KLHL8: variants seen among roughly 807,000 people sequenced by gnomAD.
KLHL8 encodes the protein kelch like family member 8.
Under a neutral mutation model 63.5 loss-of-function variants are expected in KLHL8, and 38 were observed. The ratio of observed to expected loss-of-function variants is 0.60; its 90% CI spans 0.46 to 0.78. The LOEUF (loss-of-function observed/expected upper bound fraction) is 0.78. Among genes scored for constraint, KLHL8 ranks in the 30% least tolerant of loss-of-function variants. KLHL8 has a pLI of 0.00. For missense variants in KLHL8, 566 were observed against 752.4 expected (o/e 0.75, Z 2.90); for synonymous variants, 224 against 254.3 (o/e 0.88, Z 1.13).
chr4:87,177,532 A>T (rs1367985438), intron 5 of KLHL8, among the ~76,000 whole-genome samples: 1 of 135,892 alleles, frequency 7.4e-6, no homozygotes, highest in African/African-American at 2.6e-5. Context: ...ACAAACAAAC[A>T]AAAACTATAT....
At chr4:87,180,185 T>C (rs1730997195) in intron 4 of KLHL8, among the ~76,000 whole-genome samples, 1 of 152,242 alleles carries the variant, frequency 6.6e-6, no homozygotes, top group South Asian at 2.1e-4. Flanking sequence ...GCACTTTTGG[T>C]AATTAGCATT....
chr4:87,222,067 C>T (rs1447027180), upstream of KLHL8, among the ~76,000 whole-genome samples: 1 of 152,138 alleles, frequency 6.6e-6, no homozygotes, highest in Admixed American at 6.5e-5. Flanking sequence ...CTTTGTCTCT[C>T]CCAAAGCACC....
At chr4:87,212,625 T>C (rs1732446064) in intron 1 of KLHL8, among the ~76,000 whole-genome samples, 1 of 152,172 alleles carries the variant, frequency 6.6e-6, no homozygotes, top group South Asian at 2.1e-4. Context: ...TTTACAGTCT[T>C]TACAGTCATG....
chr4:87,225,756 TC>T (rs1732961681), intron 1 of KLHL8, among the ~76,000 whole-genome samples: 1 of 152,248 alleles, frequency 6.6e-6, no homozygotes, highest in Admixed American at 6.5e-5. Flanking sequence ...GAAAGCATCA[TC>T]CTTGCTATGA....
In KLHL8 at chr4:87,185,267, T is replaced by C. The variant is rs774203779; in HGVS notation, c.749A>G (p.Asp250Gly). ...ANPQHHSKWLDETLAQVRLPL... is the reference protein window; with the variant it reads ...ANPQHHSKWLGETLAQVRLPL... ...AGCTCCTACCTGTGCAAGTGTTTCA[T>C]CCAACCATTTGGAATGATGCTGAGG... is the stretch of plus-strand genomic sequence containing the variant. Residue 250 changes from aspartate (D) to glycine (G), a missense_variant, in exon 3 of 10, where the codon GAT (aspartate) becomes GGT (glycine). Asp to Gly is a moderately conservative substitution (Grantham distance 94). Transcript: ENST00000273963. 1 of 1,611,870 alleles carries C rather than the reference T, an allele frequency of 6.2e-7. No homozygotes were observed. The highest frequency in any genetic ancestry group is 1.3e-5 in the African/African-American group (1 of 74,866).
upstream of KLHL8, among the ~76,000 whole-genome samples, chr4:87,221,595 C>T: frequency 6.6e-6 from 1 of 151,736 alleles, no homozygotes; most frequent in East Asian, 1.9e-4. Flanking sequence ...TCCTAGGAGT[C>T]TATTTCAGAA....
rs1357119531 is a variant in KLHL8, at chr4:87,183,374, A to C, written c.781T>G (p.Leu261Val). Residue 261 changes from leucine (L) to valine (V), a missense_variant, in exon 4 of 10, where the codon TTG becomes GTG. Transcript: ENST00000273963. ...ACACCCATAAGAAAATCAACCGGCA[A>C]CAATGGCAGGCGAACCTAAGATCAT... ...ETLAQVRLPL[L>V]PVDFLMGVVA... 1 of 1,607,068 alleles carries C rather than the reference A, an allele frequency of 6.2e-7. No homozygotes were observed. Among genetic ancestry groups the C allele is most frequent in the Non-Finnish European group, 8.5e-7 (1 of 1,174,914 alleles).
intron 1 of KLHL8, among the ~76,000 whole-genome samples, chr4:87,204,177 G>A (rs576232809): frequency 3.3e-5 from 5 of 152,232 alleles, no homozygotes; most frequent in Non-Finnish European, 5.9e-5. Context: ...GATCATGCCT[G>A]TGAATAGCCA....
Position 87,165,073 on chromosome 4 carries a change from T to C in KLHL8, c.1538-994A>G, listed in dbSNP as rs540122421. On this transcript the variant is annotated intron_variant, in intron 8 of 9. Coordinates refer to ENST00000273963, the MANE Select transcript of KLHL8 (RefSeq NM_020803.5). ...CTGAGGCAGGACAATGGCGTGAACC[T>C]GGGAGGCGGACGCTTGCAGTGAGCC... 3.1e-3 allele frequency among the ~76,000 whole-genome samples: 422 copies of C among 136,340 alleles called. 2 individuals carry two copies. The highest frequency in any genetic ancestry group is 4.7e-3 in the Non-Finnish European group (312 of 65,892). 89.4% of individuals were successfully genotyped at this position (136,340 alleles called of 152,430 possible). A position where few individuals can be genotyped will look rare whatever the true frequency, so the allele number is the denominator to read the frequency against.
Position 87,213,199 on chromosome 4 carries a change from T to C in KLHL8, c.-152+7219A>G, listed in dbSNP as rs570110440. ...ATCATAGTGGTCTAAAAGTCTAGTATAAAGTATTAAAAGAAAGATCTTGAA... is the reference window on the plus strand; with the variant it reads ...ATCATAGTGGTCTAAAAGTCTAGTACAAAGTATTAAAAGAAAGATCTTGAA... On this transcript the variant is annotated intron_variant, in intron 1 of 9. Transcript: ENST00000273963. Among the ~76,000 whole-genome samples the C allele has an allele frequency of 5.9e-5, 9 of 152,332 alleles. No homozygotes were observed. In the South Asian group the frequency reaches 1.9e-3, roughly 32 times the overall value.
intron 1 of KLHL8, among the ~76,000 whole-genome samples, chr4:87,232,414 T>C (rs1733151496): frequency 6.6e-6 from 1 of 152,330 alleles, no homozygotes; most frequent in Non-Finnish European, 1.5e-5. Flanking sequence ...GAATATACCA[T>C]AATTTACTCA....
intron 1 of KLHL8, among the ~76,000 whole-genome samples, chr4:87,198,025 A>C (rs1175894581): frequency 6.6e-6 from 1 of 151,606 alleles, no homozygotes; most frequent in Non-Finnish European, 1.5e-5. Context: ...AAAAAAAAAA[A>C]AACCACTTAG....
chr4:87,203,954 C>G (rs1732020656), intron 1 of KLHL8, among the ~76,000 whole-genome samples: 1 of 152,058 alleles, frequency 6.6e-6, no homozygotes, highest in African/African-American at 2.4e-5. Context: ...CGAAAAACAA[C>G]TCAATTAAAA....
intron 2 of KLHL8, among the ~76,000 whole-genome samples, chr4:87,190,547 C>T (rs1405059351): frequency 2.7e-5 from 4 of 150,844 alleles, no homozygotes; most frequent in African/African-American, 7.3e-5. Context: ...GGGGGGCTGA[C>T]GTGGAAGAAT....
intron 4 of KLHL8, among the ~76,000 whole-genome samples, chr4:87,180,943 G>A (rs575081599): frequency 1.1e-3 from 168 of 152,214 alleles, no homozygotes; most frequent in Admixed American, 2.6e-3. Flanking sequence ...GGCTGAGGGA[G>A]GAGGACTGCT....
intron 1 of KLHL8, among the ~76,000 whole-genome samples, chr4:87,202,045 G>C (rs969581601): frequency 6.6e-6 from 1 of 151,168 alleles, no homozygotes; most frequent in African/African-American, 2.4e-5. Flanking sequence ...GGGAGGCGGA[G>C]CTTGCAGTGA....
intron 1 of KLHL8, among the ~76,000 whole-genome samples, chr4:87,203,535 G>GA (rs565987676): frequency 0.049 from 3,728 of 75,692 alleles, 63 homozygotes; most frequent in Middle Eastern, 0.076. Context: ...TCTCACAAAA[G>GA]AAAAAAAAAA....
chr4:87,239,181 G>A (rs1471502112), intron 1 of KLHL8, among the ~76,000 whole-genome samples: 2 of 152,192 alleles, frequency 1.3e-5, no homozygotes, highest in Non-Finnish European at 2.9e-5. Flanking sequence ...AAGATAAGTG[G>A]AGAGTATAGT....
intron 4 of KLHL8, among the ~76,000 whole-genome samples, chr4:87,182,595 T>C (rs375436291): frequency 1.8e-4 from 27 of 152,196 alleles, no homozygotes; most frequent in African/African-American, 6.5e-4. Flanking sequence ...ATACTTCTTA[T>C]AGCATAATGT....
Sources: gnomAD v4.1 joint callset for allele counts (sites outside exome capture counted in the v4.1 genomes callset) on GRCh38, gnomAD v4.1.1 for gene constraint, MANE v1.5 for transcripts, NCBI Gene and HGNC (gene_info 2026-07-23, HGNC 2026-07-21) for gene names.